CSMD1: variants seen among roughly 807,000 people sequenced by gnomAD.
CSMD1 encodes CUB and Sushi multiple domains 1, also known as CUB and sushi domain-containing protein 1.
A neutral mutation model predicts 417.5 loss-of-function variants in CSMD1; 213 were observed. The observed-to-expected ratio is 0.51, with a 90% CI of 0.46 to 0.57. The LOEUF is 0.57. CSMD1 is among the 20% of genes least tolerant of loss of function. The pLI, the probability that CSMD1 is intolerant of heterozygous loss-of-function variation, is 0.00. For synonymous variants in CSMD1, 2,862 were observed against 1,736.8 expected, an observed-to-expected ratio of 1.65 and a Z score of -16.11; for missense variants, 6,923 against 4,529.7, an observed-to-expected ratio of 1.53 and a Z score of -15.17.
chr8:3,978,827 C>T (rs1478224512), intron 5 of CSMD1, among the ~76,000 whole-genome samples: 1 of 152,086 alleles, frequency 6.6e-6, no homozygotes, highest in Non-Finnish European at 1.5e-5. Flanking sequence ...TTACTGAGGT[C>T]TCGTCTCCTC....
intron 7 of CSMD1, among the ~76,000 whole-genome samples, chr8:3,648,806 CT>C (rs749784066): frequency 0.051 from 7,715 of 152,248 alleles, 250 homozygotes; most frequent in South Asian, 0.083. Flanking sequence ...CGCGGCACCC[CT>C]CTCAGAACAT....
rs1799964050 is a variant in CSMD1, at chr8:4,206,144, CCTGG to C, written c.416-174049_416-174046del. Among the ~76,000 whole-genome samples, 5 of 152,120 alleles carry C rather than the reference CCTGG, an allele frequency of 3.3e-5. 1 individual carries two copies. In the South Asian group the frequency reaches 1.0e-3, roughly 32 times the overall value. On this transcript the variant is annotated intron_variant, in intron 3 of 69. Transcript: ENST00000635120. ...GATAGGGAGGGTATTTTACCTTTTC[CCTGG>C]CTATTATTCAGAATATATGGAAATA...
intron 5 of CSMD1, among the ~76,000 whole-genome samples, chr8:3,882,118 A>G (rs1806244087): frequency 6.6e-6 from 1 of 152,338 alleles, no homozygotes; most frequent in South Asian, 2.1e-4. Context: ...TTAGCCAGAA[A>G]GTGAGAAAAA....
intron 3 of CSMD1, among the ~76,000 whole-genome samples, chr8:4,328,805 C>A (rs1257356320): frequency 2.0e-5 from 3 of 152,140 alleles, no homozygotes; most frequent in African/African-American, 7.2e-5. Context: ...AAATAAACTT[C>A]CAAAAATAAC....
chr8:2,965,651 A>T (rs1284263384), intron 59 of CSMD1, 124 bp downstream of exon 59: 1 of 729,368 alleles, frequency 1.4e-6, no homozygotes, highest in East Asian at 2.7e-5. Context: ...AATAGTTGCA[A>T]ATTGCTGTTC....
At chr8:4,555,365 G>A (rs1219209146) in intron 2 of CSMD1, among the ~76,000 whole-genome samples, 1 of 152,120 alleles carries the variant, frequency 6.6e-6, no homozygotes, top group Non-Finnish European at 1.5e-5. Context: ...AACATGGGAG[G>A]GACGGGGAAT....
chr8:4,559,196 T>A (rs1390904954), intron 2 of CSMD1, among the ~76,000 whole-genome samples: 2 of 152,182 alleles, frequency 1.3e-5, no homozygotes, highest in African/African-American at 4.8e-5. Flanking sequence ...TATGCTGGCT[T>A]TAGTCTCTTA....
intron 5 of CSMD1, among the ~76,000 whole-genome samples, chr8:3,904,738 G>C (rs1007614301): frequency 1.5e-4 from 23 of 150,134 alleles, no homozygotes; most frequent in Non-Finnish European, 3.2e-4. Context: ...CCGGGTTCAA[G>C]TGATTCTCAT....
intron 1 of CSMD1, among the ~76,000 whole-genome samples, chr8:4,956,083 G>C (rs1330698401): frequency 6.6e-6 from 1 of 152,138 alleles, no homozygotes; most frequent in African/African-American, 2.4e-5. Context: ...CCACTTAGGG[G>C]AGAGTTATTT....
intron 19 of CSMD1, among the ~76,000 whole-genome samples, chr8:3,368,397 C>T (rs767171737): frequency 4.6e-5 from 7 of 152,214 alleles, no homozygotes; most frequent in South Asian, 4.2e-4. Context: ...AGTACAGTGG[C>T]GCAATCTCAG....
At chr8:4,951,226 C>T (rs1440244644) in intron 1 of CSMD1, among the ~76,000 whole-genome samples, 1 of 152,102 alleles carries the variant, frequency 6.6e-6, no homozygotes, top group Non-Finnish European at 1.5e-5. Context: ...CATTAATCCA[C>T]AAAGAAACTG....
chr8:4,768,038 T>G (rs1226926982), intron 1 of CSMD1, among the ~76,000 whole-genome samples: 11 of 151,896 alleles, frequency 7.2e-5, no homozygotes, highest in Non-Finnish European at 1.0e-4. Context: ...ATGCGTTGAG[T>G]TAGTCTTCTT....
chr8:4,730,656 G>C (rs1178349324), intron 1 of CSMD1, among the ~76,000 whole-genome samples: 1 of 152,086 alleles, frequency 6.6e-6, no homozygotes, highest in East Asian at 1.9e-4. Context: ...CAGGAGAATG[G>C]TGTGAACCCG....
At chr8:4,094,775 C>G (rs565308086) in intron 3 of CSMD1, among the ~76,000 whole-genome samples, 1 of 152,160 alleles carries the variant, frequency 6.6e-6, no homozygotes, top group Admixed American at 6.5e-5. Flanking sequence ...TGAGCTAACA[C>G]TGCGCATGGA....
At chr8:3,133,933 G>A (rs1212933933) in intron 41 of CSMD1, among the ~76,000 whole-genome samples, 1 of 152,174 alleles carries the variant, frequency 6.6e-6, no homozygotes, top group Non-Finnish European at 1.5e-5. Context: ...TCAGCACTCT[G>A]GGAGGCCGAG....
chr8:3,893,555 C>G (rs1052481664), intron 5 of CSMD1, among the ~76,000 whole-genome samples: 1 of 151,700 alleles, frequency 6.6e-6, no homozygotes. Context: ...AAGGCAAACG[C>G]CACTGCTCTA....
At chr8:3,386,950 T>C (rs1324850127) in intron 18 of CSMD1, among the ~76,000 whole-genome samples, 1 of 152,186 alleles carries the variant, frequency 6.6e-6, no homozygotes, top group African/African-American at 2.4e-5. Flanking sequence ...GAATGTTATT[T>C]GTCTTGAGAT....
intron 1 of CSMD1, among the ~76,000 whole-genome samples, chr8:4,871,891 C>A (rs1017083722): frequency 6.6e-6 from 1 of 152,086 alleles, no homozygotes; most frequent in Non-Finnish European, 1.5e-5. Flanking sequence ...TGACACCTGT[C>A]TTTCCTTGCA....
intron 3 of CSMD1, among the ~76,000 whole-genome samples, chr8:4,361,619 C>T (rs1563093993): frequency 2.0e-5 from 3 of 152,164 alleles, no homozygotes; most frequent in Admixed American, 6.5e-5. Context: ...CAACTCTCTG[C>T]TTTGCTGTCC....
Sources: allele counts gnomAD v4.1 joint callset (sites outside exome capture counted in the v4.1 genomes callset), GRCh38; gene constraint gnomAD v4.1.1; transcripts MANE v1.5; gene names NCBI Gene and HGNC (gene_info 2026-07-23, HGNC 2026-07-21).